The following WDR76 variants were observed in gnomAD, a reference collection of about 807,000 sequenced individuals.
WDR76 encodes WD repeat domain 76.
A neutral mutation model predicts 70.2 loss-of-function variants in WDR76; 52 were observed. The ratio of observed to expected loss-of-function variants is 0.74; its 90% CI spans 0.59 to 0.93. The LOEUF is 0.93. Among genes scored for constraint, WDR76 ranks in the 40% least tolerant of loss-of-function variants. The pLI is 0.00. For synonymous variants in WDR76, 292 were observed against 271.1 expected (o/e 1.08, Z -0.76); for missense variants, 756 against 760.2 (o/e 0.99, Z 0.07).
intron 9 of WDR76, among the ~76,000 whole-genome samples, chr15:43,853,152 G>GGTGGGAGCC (rs2087883975): frequency 6.6e-6 from 1 of 152,074 alleles, no homozygotes; most frequent in Non-Finnish European, 1.5e-5. Flanking sequence ...GCCTCCCAAA[G>GGTGGGAGCC]TCTTGGGATT....
At chr15:43,856,879 G>T (rs1041659475) in intron 9 of WDR76, 67 bp from the exon 10 acceptor site, 4 of 1,421,346 alleles carry the variant, frequency 2.8e-6, no homozygotes, top group East Asian at 2.3e-5. Context: ...TTTTACCAAA[G>T]AATTTATGCT....
intron 2 of WDR76, among the ~76,000 whole-genome samples, chr15:43,834,860 G>C (rs1272254244): frequency 2.0e-5 from 3 of 152,112 alleles, no homozygotes; most frequent in African/African-American, 7.2e-5. Flanking sequence ...AAGCCATACA[G>C]ATATTTTGGG....
At position 43,866,460 on chromosome 15, in the gene WDR76, C is replaced by A; in HGVS notation, c.*68C>A. On this transcript the variant is annotated 3_prime_UTR_variant, in exon 13 of 13. Transcript: ENST00000263795. Reference sequence around the variant, plus strand: ...TCTAAGGAGCCTAGTAATCGGCGTGCCTTAGTGTGTTTATGTGGTAATGTG... The same window carrying A: ...TCTAAGGAGCCTAGTAATCGGCGTGACTTAGTGTGTTTATGTGGTAATGTG... 1.3e-6 allele frequency: 2 copies of A among 1,559,192 alleles called. No homozygotes were observed. The highest frequency in any genetic ancestry group is 1.8e-6 in the Non-Finnish European group (2 of 1,139,920).
At chr15:43,856,612 T>G (rs1595452044) in intron 9 of WDR76, among the ~76,000 whole-genome samples, 1 of 151,756 alleles carries the variant, frequency 6.6e-6, no homozygotes, top group African/African-American at 2.4e-5. Context: ...TCTTTTTTTT[T>G]TTTTTAATTT....
Position 43,857,171 on chromosome 15 carries a change from C to T in WDR76, c.1409+8C>T, listed in dbSNP as rs1415672139. The T allele has an allele frequency of 4.4e-6, 7 of 1,599,766 alleles. No homozygotes were observed. In the Admixed American group the frequency reaches 1.2e-4, roughly 28 times the overall value. The stretch of plus-strand genomic sequence containing the variant: ...TATCACTGCCGGATTGAGGTATGGT[C>T]TTTATAAGACTTTATGACTTAGACC... On this transcript the variant is annotated splice_region_variant and intron_variant, in intron 10 of 12. Coordinates refer to ENST00000263795, the MANE Select transcript of WDR76 (RefSeq NM_024908.4).
intron 12 of WDR76, among the ~76,000 whole-genome samples, chr15:43,863,522 C>T (rs991346847): frequency 6.6e-5 from 10 of 151,702 alleles, no homozygotes; most frequent in African/African-American, 2.4e-4. Context: ...CAAACCTTTC[C>T]CTCTCTGCCC....
At position 43,866,259 on chromosome 15, in the gene WDR76, G is replaced by C; in HGVS notation, c.1748G>C (p.Arg583Thr). 1 of 1,614,154 alleles carries C rather than the reference G, an allele frequency of 6.2e-7. No individual in the cohort carries two copies. Among genetic ancestry groups the C allele is most frequent in the Non-Finnish European group, 8.5e-7 (1 of 1,180,036 alleles). ...GAAATCTTCCATGAGACAGGAAAGAGGGTGCATTCGTTTGGTGGAGAATAC... is the reference window on the plus strand; with the variant it reads ...GAAATCTTCCATGAGACAGGAAAGACGGTGCATTCGTTTGGTGGAGAATAC... ...RVEIFHETGK[R>T]VHSFGGEYLV... is the part of the protein sequence containing the mutation. The change falls in exon 13 of 13, where the codon AGG becomes ACG. Residue 583 changes from arginine (R) to threonine (T), a missense_variant. Physicochemically the swap from Arg to Thr is moderately conservative, Grantham distance 71. Coordinates refer to ENST00000263795, the MANE Select transcript of WDR76 (RefSeq NM_024908.4).
At chr15:43,831,507 C>T (rs1291543328) in intron 2 of WDR76, among the ~76,000 whole-genome samples, 1 of 151,988 alleles carries the variant, frequency 6.6e-6, no homozygotes, top group African/African-American at 2.4e-5. Flanking sequence ...GGCACGATCT[C>T]AGCTCACTGC....
In WDR76 at chr15:43,835,069, G is replaced by A. The variant is rs149899666; in HGVS notation, c.471G>A (p.Ser157=). The change falls in exon 3 of 13, where the codon TCG becomes TCA. Residue 157 remains serine (S), a synonymous_variant. Transcript: ENST00000263795. ...DEDTTPSLDF[S]GLSPYERKRL... is the part of the protein sequence containing the mutation. ...TTGGTGTAATTTTATAGGATTTTTC[G>A]GGATTGTCACCCTACGAAAGGAAGA... 69 of 1,613,778 alleles carry A rather than the reference G, an allele frequency of 4.3e-5. No individual in the cohort carries two copies. In the Admixed American group the frequency reaches 4.3e-4, roughly 10 times the overall value.
chr15:43,849,374 A>G (rs899493379), intron 8 of WDR76, among the ~76,000 whole-genome samples: 1 of 152,128 alleles, frequency 6.6e-6, no homozygotes, highest in South Asian at 2.1e-4. Context: ...TCATTTTCTT[A>G]TATTATTTTG....
At position 43,866,955 on chromosome 15, in the gene WDR76, T is replaced by C. The variant is rs2088081614; in HGVS notation, c.*563T>C. 6.5e-6 allele frequency: 1 copy of C among 152,722 alleles called. No homozygotes were observed. Among genetic ancestry groups the C allele is most frequent in the African/African-American group, 2.4e-5 (1 of 41,428 alleles). 9.5% of individuals were successfully genotyped at this position (152,722 alleles called of 1,614,324 possible). The stretch of plus-strand genomic sequence containing the variant: ...CAGAACTTGTAATCAAGACAGTATG[T>C]TGAGAAATTCTAACATTATAAATTA... On this transcript the variant is annotated 3_prime_UTR_variant, in exon 13 of 13. Coordinates refer to ENST00000263795, the MANE Select transcript of WDR76 (RefSeq NM_024908.4).
At chr15:43,828,450 T>C (rs1045827930) in intron 2 of WDR76, 84 bp downstream of exon 2, 1 of 1,293,400 alleles carries the variant, frequency 7.7e-7, no homozygotes. Flanking sequence ...CGAGGATCTC[T>C]CTGGTACAAA....
In WDR76 at chr15:43,839,606, A is replaced by C; in HGVS notation, c.610A>C (p.Lys204Gln). 1 of 1,606,860 alleles carries C rather than the reference A, an allele frequency of 6.2e-7. No individual in the cohort carries two copies. The highest frequency in any genetic ancestry group is 1.1e-5 in the South Asian group (1 of 89,202). ...ATGAGTTTTTCCCCACTCCTTTAGA[A>C]AGAAGCCTAAGAGAGAAAATGGGAT... is the stretch of plus-strand genomic sequence containing the variant. Reference protein sequence around the residue: ...EKRQPPKSKRKKPKRENGIGC... With the variant: ...EKRQPPKSKRQKPKRENGIGC... Residue 204 changes from lysine to glutamine, a missense_variant and splice_region_variant, in exon 5 of 13, where the codon AAG becomes CAG. Coordinates refer to ENST00000263795, the MANE Select transcript of WDR76 (RefSeq NM_024908.4).
Position 43,866,144 on chromosome 15 carries a change from G to T in WDR76, c.1633G>T (p.Gly545Trp). Residue 545 changes from glycine (G) to tryptophan (W), a missense_variant, in exon 13 of 13, where the codon GGG becomes TGG. Transcript: ENST00000263795. ...LTTIRHNTFT[G>W]RWLTRFQAMW... Reference sequence around the variant, plus strand: ...CCTCACTAGGCACAACACTTTCACTGGGCGATGGCTGACCAGGTTCCAAGC... The same window carrying T: ...CCTCACTAGGCACAACACTTTCACTTGGCGATGGCTGACCAGGTTCCAAGC... 1.2e-6 allele frequency: 2 copies of T among 1,614,136 alleles called. No individual in the cohort carries two copies. The highest frequency in any genetic ancestry group is 1.7e-6 in the Non-Finnish European group (2 of 1,180,008).
intron 2 of WDR76, among the ~76,000 whole-genome samples, chr15:43,831,513 A>T (rs2087588099): frequency 6.6e-6 from 1 of 151,562 alleles, no homozygotes; most frequent in African/African-American, 2.4e-5. Flanking sequence ...ATCTCAGCTC[A>T]CTGCAACCTT....
intron 8 of WDR76, among the ~76,000 whole-genome samples, chr15:43,847,148 T>C (rs1426454720): frequency 1.3e-5 from 2 of 152,104 alleles, no homozygotes; most frequent in Non-Finnish European, 2.9e-5. Context: ...AAAGCAATAT[T>C]ACCTTGTCTA....
At chr15:43,842,572 A>T in intron 6 of WDR76, 56 bp downstream of exon 6, 1 of 1,581,638 alleles carries the variant, frequency 6.3e-7, no homozygotes, top group Middle Eastern at 1.8e-4. Context: ...AAATATATAT[A>T]TATGTAAAAA....
intron 10 of WDR76, among the ~76,000 whole-genome samples, chr15:43,857,961 C>CTTTTTTTTTTTTTTTTTTTT: frequency 1.0e-5 from 1 of 95,536 alleles, no homozygotes; most frequent in Non-Finnish European, 2.2e-5. Context: ...AGGGTTCTGT[C>CTTTTTTTTTTTTTTTTTTTT]TTTTTTTTTT....
chr15:43,852,850 T>A (rs1328032895), intron 9 of WDR76, among the ~76,000 whole-genome samples: 1 of 152,234 alleles, frequency 6.6e-6, no homozygotes, highest in Non-Finnish European at 1.5e-5. Context: ...TTTATTCATC[T>A]GTTCATCAGT....
Sources: gnomAD v4.1 joint callset for allele counts (sites outside exome capture counted in the v4.1 genomes callset) on GRCh38, gnomAD v4.1.1 for gene constraint, MANE v1.5 for transcripts, NCBI Gene and HGNC (gene_info 2026-07-23, HGNC 2026-07-21) for gene names.